ANO3: variants seen among roughly 807,000 people sequenced by gnomAD.
ANO3 encodes the protein anoctamin-3.
In ANO3, 99 loss-of-function variants were observed where a neutral mutation model predicts 144.8. The observed-to-expected ratio is 0.68, with a 90% CI of 0.58 to 0.81. The LOEUF is 0.81. Among genes scored for constraint, ANO3 ranks in the 30% least tolerant of loss-of-function variants. ANO3 has a pLI of 0.00. For missense variants in ANO3, 905 were observed against 1,202.2 expected, an observed-to-expected ratio of 0.75 and a Z score of 3.66; for synonymous variants, 414 against 392.6, an observed-to-expected ratio of 1.05 and a Z score of -0.64.
intron 1 of ANO3, among the ~76,000 whole-genome samples, chr11:26,193,655 G>C (rs1457928988): frequency 6.6e-6 from 1 of 152,154 alleles, no homozygotes; most frequent in African/African-American, 2.4e-5. Flanking sequence ...GTATAAGCTA[G>C]AATGATAATC....
intron 1 of ANO3, among the ~76,000 whole-genome samples, chr11:26,425,262 C>T (rs989263518): frequency 6.6e-5 from 10 of 152,044 alleles, no homozygotes; most frequent in African/African-American, 2.4e-4. Flanking sequence ...AATCCCCACT[C>T]CTAGGGTTAT....
rs374862442 is a variant in ANO3, at chr11:26,453,639, T to G, written c.314-9391T>G. 9.9e-5 allele frequency among the ~76,000 whole-genome samples: 15 copies of G among 152,132 alleles called. No individual in the cohort carries two copies. The South Asian group carries it at 2.1e-3, about 21-fold the overall frequency. On this transcript the variant is annotated intron_variant, in intron 3 of 26. Coordinates refer to ENST00000256737, the MANE Select transcript of ANO3 (RefSeq NM_031418.4). ...CCCACACATTAATAATGGGAGACTTTAACACCCCACTGTCAACATTAGACA... is the reference window on the plus strand; with the variant it reads ...CCCACACATTAATAATGGGAGACTTGAACACCCCACTGTCAACATTAGACA...
intron 1 of ANO3, among the ~76,000 whole-genome samples, chr11:26,234,172 A>G (rs755684928): frequency 5.9e-5 from 9 of 152,204 alleles, no homozygotes; most frequent in Admixed American, 1.3e-4. Flanking sequence ...TGAGAAATAA[A>G]AAGTTTGTTA....
At chr11:26,553,700 G>A (rs1338836440) in intron 13 of ANO3, among the ~76,000 whole-genome samples, 3 of 152,126 alleles carry the variant, frequency 2.0e-5, no homozygotes, top group African/African-American at 7.2e-5. Flanking sequence ...ACTTCTATCG[G>A]TACGGAGAAA....
At chr11:26,488,858 G>A (rs1860579716) in intron 4 of ANO3, among the ~76,000 whole-genome samples, 1 of 152,148 alleles carries the variant, frequency 6.6e-6, no homozygotes, top group Non-Finnish European at 1.5e-5. Flanking sequence ...GGGTGGCCAG[G>A]TTTTATTCCC....
chr11:26,589,970 G>A (rs1851396603), intron 14 of ANO3, among the ~76,000 whole-genome samples: 1 of 152,170 alleles, frequency 6.6e-6, no homozygotes, highest in African/African-American at 2.4e-5. Context: ...CAGAACCAAA[G>A]GATTGTGTAA....
intron 1 of ANO3, among the ~76,000 whole-genome samples, chr11:26,312,852 T>C (rs112425017): frequency 0.06 from 9,065 of 152,186 alleles, 487 homozygotes; most frequent in African/African-American, 0.14. Flanking sequence ...TAATTAGATC[T>C]CATTTGTCAA....
intron 1 of ANO3, among the ~76,000 whole-genome samples, chr11:26,228,911 T>C (rs1852322981): frequency 6.6e-6 from 1 of 152,238 alleles, no homozygotes; most frequent in Non-Finnish European, 1.5e-5. Context: ...TGGTTGGTTG[T>C]ATTTGTTGAA....
chr11:26,327,985 C>G (rs1854929524), upstream of ANO3, among the ~76,000 whole-genome samples: 1 of 152,216 alleles, frequency 6.6e-6, no homozygotes, highest in African/African-American at 2.4e-5. Flanking sequence ...TTGATGCTGT[C>G]TTCTTACACA....
intron 1 of ANO3, among the ~76,000 whole-genome samples, chr11:26,433,916 A>G (rs1190201760): frequency 2.0e-5 from 3 of 152,186 alleles, no homozygotes; most frequent in Non-Finnish European, 4.4e-5. Context: ...ATCTCACAGA[A>G]TGAGTTGGAG....
chr11:26,478,988 G>C (rs1590397682), intron 4 of ANO3, among the ~76,000 whole-genome samples: 1 of 152,248 alleles, frequency 6.6e-6, no homozygotes, highest in South Asian at 2.1e-4. Flanking sequence ...AGTCTGTCAA[G>C]TTCATTTTGT....
intron 14 of ANO3, among the ~76,000 whole-genome samples, chr11:26,576,099 C>G (rs1850979150): frequency 6.6e-6 from 1 of 152,118 alleles, no homozygotes; most frequent in African/African-American, 2.4e-5. Flanking sequence ...GCTAGATTCT[C>G]CAGATTTATA....
At chr11:26,253,534 C>T (rs1445678616) in intron 1 of ANO3, among the ~76,000 whole-genome samples, 1 of 150,666 alleles carries the variant, frequency 6.6e-6, no homozygotes, top group South Asian at 2.1e-4. Context: ...CAAACCTGTA[C>T]TTGTATCCCC....
At chr11:26,436,289 G>T (rs2134016131) in intron 1 of ANO3, among the ~76,000 whole-genome samples, 1 of 152,346 alleles carries the variant, frequency 6.6e-6, no homozygotes, top group East Asian at 1.9e-4. Context: ...CCTCACACCA[G>T]GAGCTTTGTC....
intron 1 of ANO3, among the ~76,000 whole-genome samples, chr11:26,293,023 A>G (rs1853995955): frequency 6.6e-6 from 1 of 152,186 alleles, no homozygotes; most frequent in South Asian, 2.1e-4. Flanking sequence ...TGTAGACTGG[A>G]GCTGTTCCTA....
chr11:26,477,500 T>G (rs1860027656), intron 4 of ANO3, among the ~76,000 whole-genome samples: 1 of 152,166 alleles, frequency 6.6e-6, no homozygotes, highest in Non-Finnish European at 1.5e-5. Flanking sequence ...AGTTACTTCA[T>G]CTTTGCTCTC....
intron 1 of ANO3, among the ~76,000 whole-genome samples, chr11:26,269,668 C>T (rs370755212): frequency 5.3e-5 from 8 of 151,602 alleles, no homozygotes; most frequent in Non-Finnish European, 8.8e-5. Flanking sequence ...AGTCATCATC[C>T]GGTGCTGCAC....
At chr11:26,491,766 A>G (rs1860719101) in intron 4 of ANO3, among the ~76,000 whole-genome samples, 1 of 152,220 alleles carries the variant, frequency 6.6e-6, no homozygotes, top group Non-Finnish European at 1.5e-5. Context: ...TTTTCTACAT[A>G]GTCCCCACTT....
upstream of ANO3, among the ~76,000 whole-genome samples, chr11:26,304,621 C>T (rs956312202): frequency 6.6e-5 from 10 of 152,156 alleles, no homozygotes; most frequent in Non-Finnish European, 1.5e-5. Flanking sequence ...TATTTTTTCA[C>T]TTAAGGATAT....
Sources: gnomAD v4.1 joint callset for allele counts (sites outside exome capture counted in the v4.1 genomes callset) on GRCh38, gnomAD v4.1.1 for gene constraint, MANE v1.5 for transcripts, NCBI Gene and HGNC (gene_info 2026-07-23, HGNC 2026-07-21) for gene names.